The following AGPAT4 variants were observed in gnomAD, a reference collection of about 807,000 sequenced individuals.
AGPAT4 encodes 1-acyl-sn-glycerol-3-phosphate acyltransferase delta.
In AGPAT4, 15 loss-of-function variants were observed where a neutral mutation model predicts 48.0. The ratio of observed to expected loss-of-function variants is 0.31; its 90% CI spans 0.21 to 0.48. The LOEUF (loss-of-function observed/expected upper bound fraction) is 0.48. Among genes scored for constraint, AGPAT4 ranks in the 20% least tolerant of loss-of-function variants. The probability of loss-of-function intolerance (pLI) is 0.99; values close to 1 mark genes in which losing one functional copy is unlikely to be tolerated. For missense variants in AGPAT4, 314 were observed against 482.5 expected (o/e 0.65, Z 3.27); for synonymous variants, 178 against 198.7 (o/e 0.90, Z 0.88).
intron 2 of AGPAT4, among the ~76,000 whole-genome samples, chr6:161,205,374 G>C (rs1781353051): frequency 6.6e-6 from 1 of 152,156 alleles, no homozygotes; most frequent in African/African-American, 2.4e-5. Flanking sequence ...TCCTGTGGGG[G>C]AGGTTAGAGT....
Position 161,220,673 on chromosome 6 carries a change from C to T in AGPAT4, c.178+11363G>A, listed in dbSNP as rs1301983445. On this transcript the variant is annotated intron_variant, in intron 2 of 8. Coordinates refer to ENST00000320285, the MANE Select transcript of AGPAT4 (RefSeq NM_020133.3). This position sits in a 1 kb window ranked among gnomAD's most constrained non-coding sequence, Gnocchi z 6.0. Reference sequence around the variant, plus strand: ...TGACGGGTGTCCCTCTCCTATTGCCCTTCTGCCTTTCTCTATGTTTGAAGG... The same window carrying T: ...TGACGGGTGTCCCTCTCCTATTGCCTTTCTGCCTTTCTCTATGTTTGAAGG... 6.6e-6 allele frequency among the ~76,000 whole-genome samples: 1 copy of T among 152,208 alleles called. No homozygotes were observed. Among genetic ancestry groups the T allele is most frequent in the Non-Finnish European group, 1.5e-5 (1 of 68,038 alleles).
At chr6:161,252,312 G>A (rs558608855) in intron 1 of AGPAT4, among the ~76,000 whole-genome samples, 5 of 152,254 alleles carry the variant, frequency 3.3e-5, no homozygotes, top group South Asian at 2.1e-4. Flanking sequence ...AAAGTTTCAC[G>A]TTGCGAATTC....
intron 2 of AGPAT4, among the ~76,000 whole-genome samples, chr6:161,172,357 A>C (rs1583301050): frequency 6.6e-6 from 1 of 152,128 alleles, no homozygotes; most frequent in Non-Finnish European, 1.5e-5. Context: ...TGCCCACCAC[A>C]CCTGCCGAGC....
chr6:161,196,852 T>G lies in AGPAT4; in HGVS notation c.179-30435A>C, dbSNP rs1781082959. Among the ~76,000 whole-genome samples the G allele has an allele frequency of 6.8e-6, 1 of 147,324 alleles. No homozygotes were observed. The highest frequency in any genetic ancestry group is 2.5e-5 in the African/African-American group (1 of 39,914). The stretch of plus-strand genomic sequence containing the variant: ...AAAAAATGCCAAGGAGAGGAAAAGC[T>G]AGAGGAATGAGTGGTCAACTGGATG... On this transcript the variant is annotated intron_variant, in intron 2 of 8. Transcript: ENST00000320285. This position sits in a 1 kb window ranked among gnomAD's most constrained non-coding sequence, Gnocchi z 4.3.
In AGPAT4 at chr6:161,264,086, G is replaced by A. The variant is rs770663596; in HGVS notation, c.-90+9852C>T. 3.3e-5 allele frequency among the ~76,000 whole-genome samples: 5 copies of A among 152,254 alleles called. No individual in the cohort carries two copies. Among genetic ancestry groups the A allele is most frequent in the East Asian group, 1.9e-4 (1 of 5,180 alleles). ...GCAGACAGCTTCTAGTAAGTGCTGC[G>A]TAACACATGTTGATTACAAAGTACA... On this transcript the variant is annotated intron_variant, in intron 1 of 8. Transcript: ENST00000320285. This position sits in a 1 kb window ranked among gnomAD's most constrained non-coding sequence, Gnocchi z 6.8.
At chr6:161,168,866 T>G (rs140291728) in intron 2 of AGPAT4, among the ~76,000 whole-genome samples, 1 of 152,068 alleles carries the variant, frequency 6.6e-6, no homozygotes, top group Non-Finnish European at 1.5e-5. Flanking sequence ...ACTTACTAGT[T>G]GTGAGACTTC....
Position 161,134,934 on chromosome 6 carries a change from C to T in AGPAT4, c.*1606G>A, listed in dbSNP as rs745829519. On this transcript the variant is annotated 3_prime_UTR_variant, in exon 9 of 9. Transcript: ENST00000320285. ...CAGGCCCTAGGCTCTGCAGTACGCT[C>T]TTCCCACAAGTCAGCCAGGATTTTT... 2 of 152,416 alleles carry T rather than the reference C, an allele frequency of 1.3e-5. No homozygotes were observed. The highest frequency in any genetic ancestry group is 1.9e-4 in the East Asian group (1 of 5,186). 9.4% of individuals were successfully genotyped at this position (152,416 alleles called of 1,614,324 possible).
At position 161,244,522 on chromosome 6, in the gene AGPAT4, C is replaced by T. The variant is rs1201669439; in HGVS notation, c.-89-12220G>A. Among the ~76,000 whole-genome samples the T allele has an allele frequency of 2.0e-5, 3 of 152,112 alleles. No individual in the cohort carries two copies. Among genetic ancestry groups the T allele is most frequent in the African/African-American group, 4.8e-5 (2 of 41,406 alleles). Reference sequence around the variant, plus strand: ...TAACCATTGGGGAAAGGGTTACAAGCGTAATCTTTTCAGTATTTCAGCACT... The same window carrying T: ...TAACCATTGGGGAAAGGGTTACAAGTGTAATCTTTTCAGTATTTCAGCACT... On this transcript the variant is annotated intron_variant, in intron 1 of 8. Transcript: ENST00000320285. This position sits in a 1 kb window ranked among gnomAD's most constrained non-coding sequence, Gnocchi z 4.7.
Position 161,219,037 on chromosome 6 carries a change from A to C in AGPAT4, c.178+12999T>G, listed in dbSNP as rs1175132386. 2.0e-5 allele frequency among the ~76,000 whole-genome samples: 3 copies of C among 152,262 alleles called. No individual in the cohort carries two copies. In the East Asian group the frequency reaches 5.8e-4, roughly 29 times the overall value. ...GAGAAGGGAGTTCTCAAAATGTTTG[A>C]CAATGCCTCAGATCCCATCTGGGCC... On this transcript the variant is annotated intron_variant, in intron 2 of 8. Coordinates refer to ENST00000320285, the MANE Select transcript of AGPAT4 (RefSeq NM_020133.3). This position sits in a 1 kb window ranked among gnomAD's most constrained non-coding sequence, Gnocchi z 4.9.
At position 161,146,749 on chromosome 6, in the gene AGPAT4, G is replaced by A. The variant is rs1779444456; in HGVS notation, c.768-150C>T. 3 of 719,856 alleles carry A rather than the reference G, an allele frequency of 4.2e-6. No individual in the cohort carries two copies. Among genetic ancestry groups the A allele is most frequent in the South Asian group, 3.6e-5 (2 of 55,464 alleles). The allele number at this position is 719,856 out of a possible 1,614,324, so 44.6% of individuals were successfully genotyped here. A position where few individuals can be genotyped will look rare whatever the true frequency, so the allele number is the denominator to read the frequency against. On this transcript the variant is annotated intron_variant, in intron 6 of 8. Coordinates refer to ENST00000320285, the MANE Select transcript of AGPAT4 (RefSeq NM_020133.3). This position sits in a 1 kb window ranked among gnomAD's most constrained non-coding sequence, Gnocchi z 7.1. Reference sequence around the variant, plus strand: ...AGTAATGCAAGTGATAGAAAGAAGGGGCGTTCCACATCCACACTGGAGAAA... The same window carrying A: ...AGTAATGCAAGTGATAGAAAGAAGGAGCGTTCCACATCCACACTGGAGAAA...
At position 161,161,063 on chromosome 6, in the gene AGPAT4, A is replaced by C. The variant is rs758780315; in HGVS notation, c.348+5185T>G. 8.8e-6 allele frequency: 4 copies of C among 456,614 alleles called. No homozygotes were observed. The highest frequency in any genetic ancestry group is 6.0e-5 in the African/African-American group (3 of 50,076). The allele number at this position is 456,614 out of a possible 1,614,324, so 28.3% of individuals were successfully genotyped here. The stretch of plus-strand genomic sequence containing the variant: ...ATGGGATGATACCAAGTCGGTGTAC[A>C]GCAGACAGCACAGGCTGTGACCGTT... On this transcript the variant is annotated intron_variant, in intron 3 of 8. Coordinates refer to ENST00000320285, the MANE Select transcript of AGPAT4 (RefSeq NM_020133.3). The surrounding 1 kb of genome is among the most constrained non-coding windows in gnomAD (Gnocchi z 4.6).
intron 2 of AGPAT4, among the ~76,000 whole-genome samples, chr6:161,182,401 G>C (rs1269874978): frequency 1.7e-5 from 2 of 119,608 alleles, no homozygotes; most frequent in African/African-American, 6.5e-5. Flanking sequence ...CCCCAGCCCT[G>C]CATCCCAGCC....
chr6:161,215,347 T>C lies in AGPAT4; in HGVS notation c.178+16689A>G, dbSNP rs1037196465. Among the ~76,000 whole-genome samples the C allele has an allele frequency of 1.3e-5, 2 of 152,212 alleles. No homozygotes were observed. Among genetic ancestry groups the C allele is most frequent in the South Asian group, 2.1e-4 (1 of 4,832 alleles). On this transcript the variant is annotated intron_variant, in intron 2 of 8. Coordinates refer to ENST00000320285, the MANE Select transcript of AGPAT4 (RefSeq NM_020133.3). This position sits in a 1 kb window ranked among gnomAD's most constrained non-coding sequence, Gnocchi z 4.5. ...TCCCAGCGGACATATTTGTGCTGAA[T>C]CTCAAGGTTTTTGAGGCCATGGCTC...
rs1353118441 is a variant in AGPAT4 at position 161,242,405 on chromosome 6, T to C, written c.-89-10103A>G. ...CTGACTGTTGGGGTGCTCATGAGTA[T>C]TTAAGCGACTTCCCTTTCACAGTCA... On this transcript the variant is annotated intron_variant, in intron 1 of 8. Coordinates refer to ENST00000320285, the MANE Select transcript of AGPAT4 (RefSeq NM_020133.3). This position sits in a 1 kb window ranked among gnomAD's most constrained non-coding sequence, Gnocchi z 5.0. 1.3e-5 allele frequency among the ~76,000 whole-genome samples: 2 copies of C among 152,126 alleles called. No individual in the cohort carries two copies. Among genetic ancestry groups the C allele is most frequent in the African/African-American group, 2.4e-5 (1 of 41,420 alleles).
At position 161,139,471 on chromosome 6, in the gene AGPAT4, C is replaced by G. The variant is rs1302801141; in HGVS notation, c.993G>C (p.Arg331Ser). 1.9e-6 allele frequency: 3 copies of G among 1,614,150 alleles called. No individual in the cohort carries two copies. The highest frequency in any genetic ancestry group is 3.3e-5 in the Admixed American group (2 of 60,022). ...PFFQFLVSMI[R>S]SGSSLTLASF... Reference sequence around the variant, plus strand: ...TGGCCAGCGTCAGGGAAGACCCGCTCCTGATCATGCTGACCAGGAACTGGA... The same window carrying G: ...TGGCCAGCGTCAGGGAAGACCCGCTGCTGATCATGCTGACCAGGAACTGGA... Residue 331 changes from arginine to serine, a missense_variant, in exon 8 of 9, where the codon AGG becomes AGC. By Grantham distance (110) the Arg-to-Ser change is moderately radical. Coordinates refer to ENST00000320285, the MANE Select transcript of AGPAT4 (RefSeq NM_020133.3). This position sits in a 1 kb window ranked among gnomAD's most constrained non-coding sequence, Gnocchi z 9.1.
intron 2 of AGPAT4, among the ~76,000 whole-genome samples, chr6:161,182,126 A>T (rs1008512341): frequency 2.0e-5 from 3 of 151,870 alleles, no homozygotes; most frequent in African/African-American, 7.3e-5. Context: ...ATTCTTGATG[A>T]CACCAGTGCT....
intron 2 of AGPAT4, among the ~76,000 whole-genome samples, chr6:161,194,051 C>T (rs1002378556): frequency 2.6e-5 from 4 of 152,172 alleles, no homozygotes; most frequent in African/African-American, 9.7e-5. Context: ...TAGCCACCAG[C>T]CACATGAGGC....
rs56226316 is a variant in AGPAT4 at position 161,233,109 on chromosome 6, C to CCA, written c.-89-809_-89-808dup. Among the ~76,000 whole-genome samples the CCA allele has an allele frequency of 0.042, 6,224 of 147,266 alleles. 142 individuals are homozygous for CCA. Among genetic ancestry groups the CCA allele is most frequent in the South Asian group, 0.1 (460 of 4,512 alleles). On this transcript the variant is annotated intron_variant, in intron 1 of 8. Transcript: ENST00000320285. This position sits in a 1 kb window ranked among gnomAD's most constrained non-coding sequence, Gnocchi z 5.4. The stretch of plus-strand genomic sequence containing the variant: ...AGACACATAGACACACACACAAACA[C>CCA]CACACACACACACACACACACACAC...
In AGPAT4 at chr6:161,197,894, G is replaced by T. The variant is rs568406027; in HGVS notation, c.179-31477C>A. ...ATTGAAATGTGGTCTTGGCCTCACT[G>T]TCAATAGCAATGAAAAGCTACACGT... On this transcript the variant is annotated intron_variant, in intron 2 of 8. Coordinates refer to ENST00000320285, the MANE Select transcript of AGPAT4 (RefSeq NM_020133.3). This position sits in a 1 kb window ranked among gnomAD's most constrained non-coding sequence, Gnocchi z 5.7. 9.2e-5 allele frequency among the ~76,000 whole-genome samples: 14 copies of T among 152,296 alleles called. No individual in the cohort carries two copies. The highest frequency in any genetic ancestry group is 3.4e-4 in the African/African-American group (14 of 41,558).
Sources: gnomAD v4.1 joint callset for allele counts (sites outside exome capture counted in the v4.1 genomes callset) on GRCh38, gnomAD v4.1.1 for gene constraint, Gnocchi (gnomAD v3.1) non-coding constraint, MANE v1.5 for transcripts, NCBI Gene and HGNC (gene_info 2026-07-23, HGNC 2026-07-21) for gene names.